The following RNF169 variants were observed in gnomAD, a reference collection of about 807,000 sequenced individuals.
The protein encoded by RNF169 is ring finger protein 169, also known as E3 ubiquitin-protein ligase RNF169.
Under a neutral mutation model 53.9 loss-of-function variants are expected in RNF169, and 24 were observed. That is an observed-to-expected ratio of 0.45 (90% CI 0.32 to 0.63). The LOEUF is 0.63. RNF169 is among the 20% of genes least tolerant of loss of function. The pLI, the probability that RNF169 is intolerant of heterozygous loss-of-function variation, is 0.04. For synonymous variants in RNF169, 396 were observed against 363.5 expected (o/e 1.09, Z -1.02); for missense variants, 883 against 906.2 (o/e 0.97, Z 0.33).
intron 4 of RNF169, among the ~76,000 whole-genome samples, chr11:74,833,542 C>A (rs2036209604): frequency 6.6e-6 from 1 of 152,184 alleles, no homozygotes; most frequent in African/African-American, 2.4e-5. Flanking sequence ...GTTTCTGCTT[C>A]CTATGCATAC....
intron 3 of RNF169, among the ~76,000 whole-genome samples, chr11:74,814,825 G>C (rs1232858185): frequency 6.6e-6 from 1 of 152,140 alleles, no homozygotes; most frequent in Non-Finnish European, 1.5e-5. Context: ...GAATCCATTT[G>C]TCTCATTTTT....
intron 1 of RNF169, among the ~76,000 whole-genome samples, chr11:74,776,075 C>G (rs112384976): frequency 1.1e-4 from 17 of 152,112 alleles, no homozygotes; most frequent in Admixed American, 4.6e-4. Context: ...TACTGTCTTC[C>G]CATCTGAGCA....
intron 4 of RNF169, among the ~76,000 whole-genome samples, chr11:74,826,334 G>A (rs2036096825): frequency 6.6e-6 from 1 of 152,050 alleles, no homozygotes; most frequent in Admixed American, 6.5e-5. Context: ...TCATAAATAA[G>A]TAAATAAATG....
rs143443043 is a variant in RNF169 at position 74,779,491 on chromosome 11, T to C, written c.503-10135T>C. Among the ~76,000 whole-genome samples, 186 of 152,208 alleles carry C rather than the reference T, an allele frequency of 1.2e-3. 5 individuals carry two copies. The East Asian group carries it at 0.031, about 25-fold the overall frequency. On this transcript the variant is annotated intron_variant, in intron 1 of 5. Transcript: ENST00000299563. Reference sequence around the variant, plus strand: ...CTGTTACTTGTCTTAGGCAAGGGGGTAGGTGAAAATTGCATTTGTTTAAGA... The same window carrying C: ...CTGTTACTTGTCTTAGGCAAGGGGGCAGGTGAAAATTGCATTTGTTTAAGA...
rs1359617878 is a variant in RNF169 at position 74,836,168 on chromosome 11, C to T, written c.1565C>T (p.Thr522Ile). Residue 522 changes from threonine to isoleucine, a missense_variant, in exon 6 of 6, where the codon ACT (threonine) becomes ATT (isoleucine). Transcript: ENST00000299563. The stretch of plus-strand genomic sequence containing the variant: ...CAGGACAGTGATAATAAAAGTAGCA[C>T]TGAGATCCCACTGGAAACCTGCTGT... Reference protein sequence around the residue: ...AEQDSDNKSSTEIPLETCCSS... With the variant: ...AEQDSDNKSSIEIPLETCCSS... 2 of 1,614,178 alleles carry T rather than the reference C, an allele frequency of 1.2e-6. No individual in the cohort carries two copies.
intron 2 of RNF169, among the ~76,000 whole-genome samples, chr11:74,808,408 T>C (rs1290623755): frequency 1.3e-5 from 2 of 152,172 alleles, no homozygotes; most frequent in African/African-American, 2.4e-5. Flanking sequence ...TTAGGATGTT[T>C]AGTAGCACAC....
chr11:74,826,228 A>C (rs555107753), intron 4 of RNF169, among the ~76,000 whole-genome samples: 129 of 152,318 alleles, frequency 8.5e-4, no homozygotes, highest in Non-Finnish European at 1.7e-3. Context: ...CCAGAGGCTG[A>C]GACATGAGAA....
At position 74,749,102 on chromosome 11, in the gene RNF169, C is replaced by T; in HGVS notation, c.222C>T (p.Pro74=). ...EESGCAGCLE[P]PGEAAALPCG... The stretch of plus-strand genomic sequence containing the variant: ...CGGGCTGCGCCGGGTGCCTGGAGCC[C>T]CCCGGAGAAGCAGCGGCCCTGCCGT... Residue 74 remains proline, a synonymous_variant, in exon 1 of 6, where the codon CCC becomes CCT. Transcript: ENST00000299563. 1 of 1,423,144 alleles carries T rather than the reference C, an allele frequency of 7.0e-7. No homozygotes were observed. The highest frequency in any genetic ancestry group is 9.2e-7 in the Non-Finnish European group (1 of 1,086,566). 88.2% of individuals were successfully genotyped at this position (1,423,144 alleles called of 1,614,324 possible). A position where few individuals can be genotyped will look rare whatever the true frequency, so the allele number is the denominator to read the frequency against.
At chr11:74,773,765 C>G (rs188326839) in intron 1 of RNF169, among the ~76,000 whole-genome samples, 3 of 152,270 alleles carry the variant, frequency 2.0e-5, no homozygotes, top group African/African-American at 7.2e-5. Flanking sequence ...TACTTAGTAG[C>G]TGTGTGGCTT....
Position 74,758,412 on chromosome 11 carries a change from T to C in RNF169, c.502+9030T>C, listed in dbSNP as rs1369003392. Among the ~76,000 whole-genome samples the C allele has an allele frequency of 2.0e-5, 3 of 150,396 alleles. No individual in the cohort carries two copies. The East Asian group carries it at 5.8e-4, about 29-fold the overall frequency. ...TTTTGGTTACTGTAGCCTTGTAGTA[T>C]AGTTTGAAGTCAGGTAGTGTGATGC... On this transcript the variant is annotated intron_variant, in intron 1 of 5. Transcript: ENST00000299563.
intron 1 of RNF169, among the ~76,000 whole-genome samples, chr11:74,753,062 C>T (rs1591382818): frequency 6.6e-6 from 1 of 152,098 alleles, no homozygotes; most frequent in Non-Finnish European, 1.5e-5. Flanking sequence ...TCCGCCTCAC[C>T]GGTTCAAGCG....
chr11:74,771,383 A>G (rs1019307929), intron 1 of RNF169, among the ~76,000 whole-genome samples: 1 of 152,210 alleles, frequency 6.6e-6, no homozygotes, highest in African/African-American at 2.4e-5. Flanking sequence ...TACTTAACAC[A>G]GACTTTGTTT....
chr11:74,758,228 T>A (rs914149858), intron 1 of RNF169, among the ~76,000 whole-genome samples: 1 of 128,996 alleles, frequency 7.8e-6, no homozygotes, highest in Non-Finnish European at 1.6e-5. Context: ...GCTAGCCAGT[T>A]TTCCCAGCAC....
At chr11:74,756,981 A>T (rs955382276) in intron 1 of RNF169, among the ~76,000 whole-genome samples, 3 of 150,302 alleles carry the variant, frequency 2.0e-5, no homozygotes, top group Non-Finnish European at 4.4e-5. Flanking sequence ...CATAATAAAG[A>T]ACGGCAATTC....
At chr11:74,813,759 C>T (rs138897831) in intron 3 of RNF169, among the ~76,000 whole-genome samples, 1,705 of 152,258 alleles carry the variant, frequency 0.011, 32 homozygotes, top group African/African-American at 0.037. Flanking sequence ...GGCGTGATCT[C>T]GGCTTACTAC....
At chr11:74,818,045 A>G (rs900355708) in intron 4 of RNF169, among the ~76,000 whole-genome samples, 1 of 152,220 alleles carries the variant, frequency 6.6e-6, no homozygotes, top group African/African-American at 2.4e-5. Context: ...CTTAGTAGGA[A>G]GTGAGGGCAG....
In RNF169 at chr11:74,749,003, G is replaced by A. The variant is rs563232356; in HGVS notation, c.123G>A (p.Pro41=). The change falls in exon 1 of 6, where the codon CCG becomes CCA. Residue 41 remains proline (P), a synonymous_variant. Transcript: ENST00000299563. ...TAAAKTGAPG[P]ASGPSLLVLS... is the part of the protein sequence containing the mutation. Reference sequence around the variant, plus strand: ...CAGCTAAGACTGGGGCCCCAGGCCCGGCTTCTGGACCTTCGCTGTTGGTGT... The same window carrying A: ...CAGCTAAGACTGGGGCCCCAGGCCCAGCTTCTGGACCTTCGCTGTTGGTGT... The A allele has an allele frequency of 1.3e-3, 1,974 of 1,500,264 alleles. 1 individual carries two copies. The highest frequency in any genetic ancestry group is 1.5e-3 in the Non-Finnish European group (1,677 of 1,120,998). The allele number at this position is 1,500,264 out of a possible 1,614,324, so 92.9% of individuals were successfully genotyped here.
Position 74,835,583 on chromosome 11 carries a change from G to T in RNF169, c.980G>T (p.Gly327Val). 1 of 1,614,056 alleles carries T rather than the reference G, an allele frequency of 6.2e-7. No individual in the cohort carries two copies. The highest frequency in any genetic ancestry group is 8.5e-7 in the Non-Finnish European group (1 of 1,180,014). Residue 327 changes from glycine (G) to valine (V), a missense_variant, in exon 6 of 6, where the codon GGT becomes GTT. Gly to Val is a moderately radical substitution (Grantham distance 109, BLOSUM62 -3). Transcript: ENST00000299563. ...ACTCCAGCCTCCAACCCCATCATTG[G>T]TGTCCTCTTGTCAACTCAAAACAAC... ...TMTPASNPIIGVLLSTQNNRC... is the reference protein window; with the variant it reads ...TMTPASNPIIVVLLSTQNNRC...
At chr11:74,790,524 T>G (rs1487329956) in intron 2 of RNF169, among the ~76,000 whole-genome samples, 1 of 152,212 alleles carries the variant, frequency 6.6e-6, no homozygotes, top group African/African-American at 2.4e-5. Context: ...TTGCCCAAGT[T>G]TTGCTTGGGC....
Sources: gnomAD v4.1 joint callset for allele counts (sites outside exome capture counted in the v4.1 genomes callset) on GRCh38, gnomAD v4.1.1 for gene constraint, MANE v1.5 for transcripts, NCBI Gene and HGNC (gene_info 2026-07-23, HGNC 2026-07-21) for gene names.